ZNF609: variants seen among roughly 807,000 people sequenced by gnomAD.
ZNF609 encodes the protein zinc finger protein 609.
Under a neutral mutation model 109.5 loss-of-function variants are expected in ZNF609, and 11 were observed. That is an observed-to-expected ratio of 0.10 (90% CI 0.06 to 0.17). The LOEUF (loss-of-function observed/expected upper bound fraction) is 0.17. ZNF609 is among the 10% of genes least tolerant of loss of function. The pLI, the probability that ZNF609 is intolerant of heterozygous loss-of-function variation, is 1.00. For synonymous variants in ZNF609, 646 were observed against 662.0 expected, an observed-to-expected ratio of 0.98 and a Z score of 0.37; for missense variants, 1,559 against 1,772.4, an observed-to-expected ratio of 0.88 and a Z score of 2.16.
At chr15:64,611,796 C>T (rs1005575512) in intron 2 of ZNF609, among the ~76,000 whole-genome samples, 7 of 151,172 alleles carry the variant, frequency 4.6e-5, no homozygotes, top group Admixed American at 6.6e-5. Flanking sequence ...TGCAGTGGCG[C>T]AATCTTGGCT....
At chr15:64,659,180 G>A (rs1041920739) in intron 3 of ZNF609, among the ~76,000 whole-genome samples, 4 of 152,116 alleles carry the variant, frequency 2.6e-5, no homozygotes, top group African/African-American at 9.7e-5. Flanking sequence ...GAAATAACAT[G>A]TTCAAAAGAG....
chr15:64,462,708 G>A (rs1052565249), intron 1 of ZNF609, among the ~76,000 whole-genome samples: 1 of 152,206 alleles, frequency 6.6e-6, no homozygotes, highest in Non-Finnish European at 1.5e-5. Flanking sequence ...TTGCCTATCT[G>A]GGCAAGGGCT....
chr15:64,622,965 C>T lies in ZNF609; in HGVS notation c.886C>T (p.Leu296=). The change falls in exon 3 of 10, where the codon CTG becomes TTG. Residue 296 remains leucine, a synonymous_variant. Coordinates refer to ENST00000326648, the MANE Select transcript of ZNF609 (RefSeq NM_015042.2). ...TGGGGTCAACACATGTGATGTGGCT[C>T]TGGCCACAGAGCCTGAGTGCTTGGG... The part of the protein sequence containing the change: ...SVGVNTCDVA[L]ATEPECLGPC... 6.2e-7 allele frequency: 1 copy of T among 1,614,236 alleles called. No individual in the cohort carries two copies. Among genetic ancestry groups the T allele is most frequent in the South Asian group, 1.1e-5 (1 of 91,084 alleles).
intron 2 of ZNF609, among the ~76,000 whole-genome samples, chr15:64,604,194 A>G (rs929665429): frequency 6.6e-6 from 1 of 152,210 alleles, no homozygotes; most frequent in Middle Eastern, 3.2e-3. Context: ...TTAGTATAGT[A>G]TAATGGTTAC....
At chr15:64,605,683 T>TGG (rs970648169) in intron 2 of ZNF609, among the ~76,000 whole-genome samples, 2 of 151,956 alleles carry the variant, frequency 1.3e-5, no homozygotes, top group African/African-American at 4.8e-5. Flanking sequence ...ATGTTATTAG[T>TGG]GGTTAACCAG....
intron 1 of ZNF609, among the ~76,000 whole-genome samples, chr15:64,487,367 A>C (rs1366809397): frequency 6.6e-6 from 1 of 152,198 alleles, no homozygotes; most frequent in African/African-American, 2.4e-5. Flanking sequence ...GTTCATAGGT[A>C]TTTATTTTAC....
intron 1 of ZNF609, among the ~76,000 whole-genome samples, chr15:64,481,529 A>G (rs967271446): frequency 6.6e-6 from 1 of 151,978 alleles, no homozygotes; most frequent in Admixed American, 6.6e-5. Context: ...CATGTTGGTC[A>G]GGCTGGTCTC....
chr15:64,611,634 C>T (rs1011997695), intron 2 of ZNF609, among the ~76,000 whole-genome samples: 1 of 151,914 alleles, frequency 6.6e-6, no homozygotes, highest in Non-Finnish European at 1.5e-5. Flanking sequence ...CTGTAGACTG[C>T]AAGTCTGTAG....
At chr15:64,625,661 C>T (rs554248743) in intron 3 of ZNF609, among the ~76,000 whole-genome samples, 2 of 151,682 alleles carry the variant, frequency 1.3e-5, no homozygotes, top group East Asian at 1.9e-4. Flanking sequence ...GAGGCCGAGG[C>T]GGGCGGATCA....
Position 64,674,732 on chromosome 15 carries a change from T to C in ZNF609, c.1878T>C (p.Ser626=). 1 of 1,614,126 alleles carries C rather than the reference T, an allele frequency of 6.2e-7. No individual in the cohort carries two copies. The highest frequency in any genetic ancestry group is 8.5e-7 in the Non-Finnish European group (1 of 1,180,038). ...MDETSNDAFD[S]LERKCMEKEK... is the part of the protein sequence containing the mutation. ...AAACAAGCAATGATGCCTTTGATTC[T>C]TTAGAAAGGAAGTGTATGGAAAAAG... The change falls in exon 5 of 10, where the codon TCT becomes TCC. Residue 626 remains serine, a synonymous_variant. Transcript: ENST00000326648.
intron 2 of ZNF609, among the ~76,000 whole-genome samples, chr15:64,620,595 AG>A (rs1389487729): frequency 1.3e-5 from 2 of 152,224 alleles, no homozygotes; most frequent in Non-Finnish European, 2.9e-5. Flanking sequence ...TTCATTATAC[AG>A]GCTTCTACTT....
At chr15:64,670,498 T>A (rs1218397089) in intron 4 of ZNF609, 65 bp downstream of exon 4, 1 of 1,346,664 alleles carries the variant, frequency 7.4e-7, no homozygotes, top group Non-Finnish European at 1.1e-6. Flanking sequence ...TCCCTTATAC[T>A]TTTATCCTGC....
chr15:64,609,157 CTCTT>C (rs1429157618), intron 2 of ZNF609, among the ~76,000 whole-genome samples: 22 of 84,494 alleles, frequency 2.6e-4, no homozygotes, highest in Non-Finnish European at 3.8e-4. Flanking sequence ...TTCTCTCTCT[CTCTT>C]TCTTTCTTTC....
In ZNF609 at chr15:64,615,645, CCTGG is replaced by C. The variant is rs560444460; in HGVS notation, c.748-7179_748-7176del. 2.4e-3 allele frequency among the ~76,000 whole-genome samples: 360 copies of C among 152,140 alleles called. 3 individuals carry two copies. The highest frequency in any genetic ancestry group is 3.2e-3 in the Non-Finnish European group (215 of 67,996). On this transcript the variant is annotated intron_variant, in intron 2 of 9. Coordinates refer to ENST00000326648, the MANE Select transcript of ZNF609 (RefSeq NM_015042.2). Reference sequence around the variant, plus strand: ...GGGATTATGGGCATGCACCACCATGCCTGGCTAATTTTTGTACTTATAGTAGAGA... The same window carrying C: ...GGGATTATGGGCATGCACCACCATGCCTAATTTTTGTACTTATAGTAGAGA...
chr15:64,648,345 A>G (rs565690097), intron 3 of ZNF609, among the ~76,000 whole-genome samples: 4 of 152,280 alleles, frequency 2.6e-5, no homozygotes, highest in Admixed American at 6.5e-5. Context: ...AATAAAAATT[A>G]GCCAGGCATG....
chr15:64,672,816 T>C (rs1896754987), intron 4 of ZNF609, among the ~76,000 whole-genome samples: 1 of 148,282 alleles, frequency 6.7e-6, no homozygotes, highest in South Asian at 2.1e-4. Flanking sequence ...ATACAAAAAT[T>C]AGCTGGGCGT....
chr15:64,486,740 T>C (rs1893339945), intron 1 of ZNF609, among the ~76,000 whole-genome samples: 1 of 152,004 alleles, frequency 6.6e-6, no homozygotes. Flanking sequence ...CTCAGCCTCC[T>C]GAGTAGCTGG....
chr15:64,522,095 G>C (rs1263026218), intron 2 of ZNF609, among the ~76,000 whole-genome samples: 1 of 152,188 alleles, frequency 6.6e-6, no homozygotes, highest in Non-Finnish European at 1.5e-5. Context: ...AATGCCCCCG[G>C]GGCAAACTCT....
chr15:64,622,783 T>A (rs1054741453), intron 2 of ZNF609, 44 bp from the exon 3 acceptor site: 7 of 1,522,552 alleles, frequency 4.6e-6, no homozygotes, highest in Middle Eastern at 1.7e-4. Flanking sequence ...TTCCTCTAAA[T>A]GTTCTCCCTG....
Sources: gnomAD v4.1 joint callset for allele counts (sites outside exome capture counted in the v4.1 genomes callset) on GRCh38, gnomAD v4.1.1 for gene constraint, MANE v1.5 for transcripts, NCBI Gene and HGNC (gene_info 2026-07-23, HGNC 2026-07-21) for gene names.